Variants in RERE observed in about 807,000 individuals in gnomAD.
RERE encodes arginine-glutamic acid dipeptide repeats protein.
RERE carries 40 observed loss-of-function variants against 146.1 expected under a neutral mutation model. That is an observed-to-expected ratio of 0.27 (90% CI 0.21 to 0.36). The LOEUF is 0.36. RERE is among the 10% of genes least tolerant of loss of function. The pLI is 1.00. For synonymous variants in RERE, 1,003 were observed against 866.0 expected (o/e 1.16, Z -2.78); for missense variants, 1,933 against 2,138.7 (o/e 0.90, Z 1.90).
intron 7 of RERE, among the ~76,000 whole-genome samples, chr1:8,526,251 G>C (rs916552829): frequency 6.6e-6 from 1 of 150,766 alleles, no homozygotes; most frequent in African/African-American, 2.4e-5. Context: ...AGGAGCGTCA[G>C]TTAAATGCTC....
intron 1 of RERE, among the ~76,000 whole-genome samples, chr1:8,717,928 T>C (rs551170817): frequency 6.6e-6 from 1 of 152,312 alleles, no homozygotes; most frequent in Admixed American, 6.5e-5. Flanking sequence ...GGGAAAGGGC[T>C]TGGAGCAAAA....
intron 8 of RERE, among the ~76,000 whole-genome samples, chr1:8,501,311 C>A (rs538682978): frequency 1.1e-4 from 13 of 120,564 alleles, no homozygotes; most frequent in South Asian, 2.7e-4. Flanking sequence ...GCCCGGCCAG[C>A]CGCCCCGTCC....
intron 1 of RERE, among the ~76,000 whole-genome samples, chr1:8,662,226 CTTCAT>C (rs750560233): frequency 6.6e-6 from 1 of 152,224 alleles, no homozygotes. Context: ...CAGAATTACT[CTTCAT>C]TTTAGGTTAC....
Position 8,356,133 on chromosome 1 carries a change from G to A in RERE, c.4453C>T (p.His1485Tyr), listed in dbSNP as rs1641283252. The stretch of plus-strand genomic sequence containing the variant: ...GGGTGGCGAAGCATCTCGTGCTCGT[G>A]TGGGGGCTGTCCAAGCAGAGGGTTG... ...LPNPLLGQPP[H>Y]EHEMLRHPVF... The change falls in exon 21 of 23, where the codon CAC becomes TAC. Residue 1485 changes from histidine to tyrosine, a missense_variant. By Grantham distance (83) the His-to-Tyr change is moderately conservative. Around this residue, in one of 11 missense-constraint regions of RERE, gnomAD observed 133 missense variants for 168.6 expected, o/e 0.79. Coordinates refer to ENST00000400908, the MANE Select transcript of RERE (RefSeq NM_001042681.2). The surrounding 1 kb of genome is among the most constrained non-coding windows in gnomAD (Gnocchi z 5.2). 2 of 1,512,936 alleles carry A rather than the reference G, an allele frequency of 1.3e-6. No individual in the cohort carries two copies. The highest frequency in any genetic ancestry group is 1.8e-6 in the Non-Finnish European group (2 of 1,134,708). 93.7% of individuals were successfully genotyped at this position (1,512,936 alleles called of 1,614,324 possible). A position where few individuals can be genotyped will look rare whatever the true frequency, so the allele number is the denominator to read the frequency against.
At chr1:8,704,266 C>T in intron 1 of RERE, among the ~76,000 whole-genome samples, 1 of 152,182 alleles carries the variant, frequency 6.6e-6, no homozygotes, top group East Asian at 1.9e-4. Flanking sequence ...CATGTATTCT[C>T]TAGTGGTGAT....
intron 7 of RERE, among the ~76,000 whole-genome samples, chr1:8,525,026 T>C (rs906771865): frequency 5.9e-5 from 9 of 152,172 alleles, no homozygotes; most frequent in Admixed American, 5.9e-4. Flanking sequence ...AACTTCAATT[T>C]CTAACACAAA....
intron 4 of RERE, among the ~76,000 whole-genome samples, chr1:8,592,472 A>G (rs1646507239): frequency 6.6e-6 from 1 of 152,036 alleles, no homozygotes; most frequent in Non-Finnish European, 1.5e-5. Flanking sequence ...GGGTTTCACC[A>G]CGTTGCCCAG....
intron 4 of RERE, among the ~76,000 whole-genome samples, chr1:8,560,730 A>C (rs1428797944): frequency 6.6e-6 from 1 of 152,228 alleles, no homozygotes; most frequent in Non-Finnish European, 1.5e-5. Flanking sequence ...CCAATAGTTC[A>C]CAGAAAAATC....
chr1:8,806,613 C>T (rs1014734361), intron 1 of RERE, among the ~76,000 whole-genome samples: 3 of 152,066 alleles, frequency 2.0e-5, no homozygotes, highest in African/African-American at 4.8e-5. Flanking sequence ...TAATACCATA[C>T]GTTAATATTA....
intron 4 of RERE, among the ~76,000 whole-genome samples, chr1:8,583,286 C>A (rs1351811960): frequency 6.6e-6 from 1 of 152,178 alleles, no homozygotes; most frequent in Non-Finnish European, 1.5e-5. Flanking sequence ...CAACAAAATT[C>A]AGAAATAAGG....
At chr1:8,429,334 G>A (rs6678271) in intron 11 of RERE, among the ~76,000 whole-genome samples, 2,248 of 152,308 alleles carry the variant, frequency 0.015, 56 homozygotes, top group African/African-American at 0.051. Context: ...GTGCAGACAA[G>A]GGATGTGATG....
rs559956061 is a variant in RERE at position 8,691,487 on chromosome 1, G to A, written c.-144-35046C>T. ...AGTAAAGCAAACCTGCCAAAAATAA[G>A]AAATGCAAAGCCTTCCTAGTCATTC... On this transcript the variant is annotated intron_variant, in intron 1 of 22. Transcript: ENST00000400908. 3.3e-5 allele frequency among the ~76,000 whole-genome samples: 5 copies of A among 152,198 alleles called. No individual in the cohort carries two copies. The South Asian group carries it at 8.3e-4, about 25-fold the overall frequency.
At chr1:8,526,245 G>C (rs746885352) in intron 7 of RERE, among the ~76,000 whole-genome samples, 13 of 151,872 alleles carry the variant, frequency 8.6e-5, no homozygotes, top group Non-Finnish European at 1.6e-4. Context: ...CCACGGAGGA[G>C]CGTCAGTTAA....
chr1:8,638,459 T>C (rs1039174527), intron 2 of RERE, among the ~76,000 whole-genome samples: 2 of 152,160 alleles, frequency 1.3e-5, no homozygotes, highest in African/African-American at 4.8e-5. Flanking sequence ...TCACAATCCC[T>C]TAAATTTGCC....
intron 7 of RERE, among the ~76,000 whole-genome samples, chr1:8,516,959 A>G (rs1393393911): frequency 1.3e-5 from 2 of 152,068 alleles, no homozygotes; most frequent in African/African-American, 4.8e-5. Flanking sequence ...AGAGGGAGGG[A>G]GGCGGAGGGT....
chr1:8,629,656 C>T (rs72855848), intron 2 of RERE, among the ~76,000 whole-genome samples: 2,836 of 152,198 alleles, frequency 0.019, 110 homozygotes, highest in African/African-American at 0.066. Context: ...TGACAGCCTC[C>T]TACAGAGCAG....
chr1:8,484,739 C>A (rs1644876895), intron 10 of RERE, among the ~76,000 whole-genome samples: 1 of 152,090 alleles, frequency 6.6e-6, no homozygotes, highest in Non-Finnish European at 1.5e-5. Context: ...AACAATTTTA[C>A]ATTTATAGGT....
chr1:8,521,878 T>C (rs747197160), intron 7 of RERE, among the ~76,000 whole-genome samples: 9 of 152,160 alleles, frequency 5.9e-5, no homozygotes, highest in Non-Finnish European at 1.0e-4. Flanking sequence ...ACCGTAAGAA[T>C]AGACTTGGCC....
intron 11 of RERE, among the ~76,000 whole-genome samples, chr1:8,454,114 G>A (rs774193388): frequency 6.6e-5 from 10 of 152,186 alleles, no homozygotes; most frequent in Non-Finnish European, 1.2e-4. Context: ...CACTCTGGTG[G>A]AGTCTATGGT....
Sources: gnomAD v4.1 joint callset for allele counts (sites outside exome capture counted in the v4.1 genomes callset) on GRCh38, gnomAD v4.1.1 for gene constraint, gnomAD v4.1.1 regional missense constraint, Gnocchi (gnomAD v3.1) non-coding constraint, MANE v1.5 for transcripts, NCBI Gene and HGNC (gene_info 2026-07-23, HGNC 2026-07-21) for gene names.